The following RFX7 variants were observed in gnomAD, a reference collection of about 807,000 sequenced individuals.
RFX7 encodes regulatory factor X7.
Under a neutral mutation model 111.8 loss-of-function variants are expected in RFX7, and 26 were observed. That is an observed-to-expected ratio of 0.23 (90% CI 0.17 to 0.32). The LOEUF (loss-of-function observed/expected upper bound fraction) is 0.32, where lower values mean the gene tolerates loss of function less well. Among genes scored for constraint, RFX7 ranks in the 10% least tolerant of loss-of-function variants. The pLI is 1.00. For missense variants in RFX7, 1,573 were observed against 1,772.9 expected (o/e 0.89, Z 2.02); for synonymous variants, 624 against 624.4 (o/e 1.00, Z 0.01).
At chr15:56,240,617 G>C (rs1019296068) in intron 2 of RFX7, among the ~76,000 whole-genome samples, 2 of 152,092 alleles carry the variant, frequency 1.3e-5, no homozygotes, top group African/African-American at 4.8e-5. Flanking sequence ...TGATATGCAA[G>C]CCCAGTAATT....
In RFX7 at chr15:56,220,797, T is replaced by G. The variant is rs577997508; in HGVS notation, c.161+22328A>C. 1.2e-4 allele frequency among the ~76,000 whole-genome samples: 18 copies of G among 152,302 alleles called. No homozygotes were observed. The South Asian group carries it at 3.5e-3, about 30-fold the overall frequency. ...TATTTCCCAGGTCATCTTCCAGGGT[T>G]TTTATAGTTTTAGGTTTTACATGGA... is the stretch of plus-strand genomic sequence containing the variant. On this transcript the variant is annotated intron_variant, in intron 2 of 9. Transcript: ENST00000559447.
intron 5 of RFX7, among the ~76,000 whole-genome samples, chr15:56,118,516 A>G (rs2042037058): frequency 6.6e-6 from 1 of 152,228 alleles, no homozygotes; most frequent in Admixed American, 6.5e-5. Flanking sequence ...ATTGCAAATG[A>G]TACGATCTCA....
chr15:56,223,986 C>T (rs1482599378), intron 2 of RFX7, among the ~76,000 whole-genome samples: 1 of 151,622 alleles, frequency 6.6e-6, no homozygotes, highest in African/African-American at 2.4e-5. Flanking sequence ...TACAGCTATA[C>T]AGTAAAATCC....
In RFX7 at chr15:56,116,819, T is replaced by TAAATTGTACAAACATTGTACAGTTGTAC. The variant is rs1211940267; in HGVS notation, c.402-13177_402-13150dup. Among the ~76,000 whole-genome samples the TAAATTGTACAAACATTGTACAGTTGTAC allele has an allele frequency of 4.0e-3, 604 of 152,084 alleles. 4 individuals carry two copies. Among genetic ancestry groups the TAAATTGTACAAACATTGTACAGTTGTAC allele is most frequent in the East Asian group, 0.033 (170 of 5,112 alleles). ...GTGTGAATGAATAAACTAAAATGCA[T>TAAATTGTACAAACATTGTACAGTTGTAC]AAATTGTACAAACATTGTACAGTTG... On this transcript the variant is annotated intron_variant, in intron 5 of 9. Coordinates refer to ENST00000559447, the MANE Select transcript of RFX7 (RefSeq NM_022841.7).
At chr15:56,101,630 T>A in intron 7 of RFX7, 64 bp from the exon 8 acceptor site, 2 of 1,347,314 alleles carry the variant, frequency 1.5e-6, no homozygotes, top group Non-Finnish European at 2.1e-6. Context: ...TGAAGCATGT[T>A]AAAGATATGT....
chr15:56,153,379 A>G (rs1280150248), intron 3 of RFX7, among the ~76,000 whole-genome samples: 4 of 152,250 alleles, frequency 2.6e-5, no homozygotes, highest in Non-Finnish European at 4.4e-5. Context: ...AGTTTGCTTC[A>G]TCCCTGGGAT....
intron 3 of RFX7, among the ~76,000 whole-genome samples, chr15:56,177,096 G>T (rs908620454): frequency 6.6e-6 from 1 of 152,052 alleles, no homozygotes; most frequent in East Asian, 1.9e-4. Flanking sequence ...GTAAGTTCCA[G>T]CATACTGGGA....
In RFX7 at chr15:56,177,498, T is replaced by A. The variant is rs1295406082; in HGVS notation, c.195+1772A>T. Among the ~76,000 whole-genome samples the A allele has an allele frequency of 3.3e-5, 5 of 152,312 alleles. 1 individual carries two copies. Among genetic ancestry groups the A allele is most frequent in the African/African-American group, 4.8e-5 (2 of 41,580 alleles). On this transcript the variant is annotated intron_variant, in intron 3 of 9. Transcript: ENST00000559447. ...GTCCAGGACCTAACACAATATTTTT[T>A]AATTACTGAGTAAAAATTTACATAT...
intron 2 of RFX7, among the ~76,000 whole-genome samples, chr15:56,195,204 T>C (rs191278073): frequency 1.3e-5 from 2 of 152,196 alleles, no homozygotes; most frequent in African/African-American, 2.4e-5. Context: ...ATCTCCAGAA[T>C]AGCTATATCC....
chr15:56,103,349 A>G (rs1452550701), intron 6 of RFX7, among the ~76,000 whole-genome samples: 2 of 152,172 alleles, frequency 1.3e-5, no homozygotes, highest in East Asian at 1.9e-4. Context: ...ATTCTAATCT[A>G]TGAATAAACC....
chr15:56,152,184 G>A (rs904636784), intron 3 of RFX7, among the ~76,000 whole-genome samples: 9 of 152,002 alleles, frequency 5.9e-5, no homozygotes, highest in Non-Finnish European at 8.8e-5. Context: ...ACTTGAACTC[G>A]GCTCTGGACC....
At chr15:56,241,779 A>C (rs905725280) in intron 2 of RFX7, among the ~76,000 whole-genome samples, 1 of 152,172 alleles carries the variant, frequency 6.6e-6, no homozygotes, top group Admixed American at 6.5e-5. Flanking sequence ...TTGCCACAAC[A>C]TGACTATTGT....
intron 2 of RFX7, among the ~76,000 whole-genome samples, chr15:56,234,187 A>G (rs1257286387): frequency 6.6e-6 from 1 of 152,240 alleles, no homozygotes; most frequent in Non-Finnish European, 1.5e-5. Context: ...CTTATACGCC[A>G]TTATTGCATT....
In RFX7 at chr15:56,142,906, A is replaced by G. The variant is rs1222077275; in HGVS notation, c.279-6T>C. ...ATGACATGGCATTCTGATCACTAAT[A>G]GAATGAAAACATGTTTTAGCTGACC... On this transcript the variant is annotated splice_region_variant and splice_polypyrimidine_tract_variant and intron_variant, in intron 4 of 9. Coordinates refer to ENST00000559447, the MANE Select transcript of RFX7 (RefSeq NM_022841.7). 1 of 1,612,852 alleles carries G rather than the reference A, an allele frequency of 6.2e-7. No individual in the cohort carries two copies.
chr15:56,217,556 CACTTTATAG>C (rs2043375319), intron 2 of RFX7, among the ~76,000 whole-genome samples: 1 of 151,980 alleles, frequency 6.6e-6, no homozygotes, highest in African/African-American at 2.4e-5. Context: ...ATAAAACACA[CACTTTATAG>C]ACTTTATATA....
At chr15:56,204,176 C>T (rs1353525148) in intron 2 of RFX7, among the ~76,000 whole-genome samples, 5 of 151,900 alleles carry the variant, frequency 3.3e-5, no homozygotes, top group South Asian at 2.1e-4. Flanking sequence ...CGTACCACCA[C>T]GCTTGGCTAA....
intron 5 of RFX7, among the ~76,000 whole-genome samples, chr15:56,126,525 C>T (rs778981036): frequency 6.6e-6 from 1 of 152,120 alleles, no homozygotes; most frequent in South Asian, 2.1e-4. Context: ...ATATAGAAAA[C>T]AAATAGCAAA....
At chr15:56,149,708 G>A (rs370874365) in intron 3 of RFX7, among the ~76,000 whole-genome samples, 1 of 152,094 alleles carries the variant, frequency 6.6e-6, no homozygotes, top group African/African-American at 2.4e-5. Context: ...CACAAACCAG[G>A]AGATTCCCTC....
At chr15:56,136,544 C>A (rs1457798417) in intron 5 of RFX7, among the ~76,000 whole-genome samples, 1 of 144,208 alleles carries the variant, frequency 6.9e-6, no homozygotes, top group African/African-American at 2.6e-5. Flanking sequence ...TCTAGATATA[C>A]AATCATGTCG....
Sources: gnomAD v4.1 joint callset for allele counts (sites outside exome capture counted in the v4.1 genomes callset) on GRCh38, gnomAD v4.1.1 for gene constraint, MANE v1.5 for transcripts, NCBI Gene and HGNC (gene_info 2026-07-23, HGNC 2026-07-21) for gene names.